MTUS2: variants seen among roughly 807,000 people sequenced by gnomAD.
MTUS2 encodes microtubule associated scaffold protein 2, also known as microtubule-associated tumor suppressor candidate 2.
In MTUS2, 40 loss-of-function variants were observed where a neutral mutation model predicts 114.1. The ratio of observed to expected loss-of-function variants is 0.35; its 90% CI spans 0.27 to 0.46. The LOEUF (loss-of-function observed/expected upper bound fraction) is 0.46, where lower values mean the gene tolerates loss of function less well. Ranked by LOEUF, MTUS2 falls within the 20% of genes least tolerant of loss-of-function variation. The pLI, the probability that MTUS2 is intolerant of heterozygous loss-of-function variation, is 1.00. For missense variants in MTUS2, 1,679 were observed against 1,705.4 expected, an observed-to-expected ratio of 0.98 and a Z score of 0.27; for synonymous variants, 688 against 672.0, an observed-to-expected ratio of 1.02 and a Z score of -0.37.
intron 5 of MTUS2, among the ~76,000 whole-genome samples, chr13:29,246,325 C>T (rs1209194567): frequency 2.0e-5 from 3 of 152,174 alleles, no homozygotes; most frequent in South Asian, 2.1e-4. Context: ...ACATCCGAGG[C>T]AGACCTAGAC....
At chr13:29,113,490 A>G (rs1477975773) in intron 5 of MTUS2, among the ~76,000 whole-genome samples, 2 of 152,150 alleles carry the variant, frequency 1.3e-5, no homozygotes, top group African/African-American at 4.8e-5. Context: ...TGCAGTGTTC[A>G]TCTTTGCTCT....
intron 5 of MTUS2, among the ~76,000 whole-genome samples, chr13:29,153,177 A>T (rs894708381): frequency 2.6e-5 from 4 of 152,110 alleles, no homozygotes; most frequent in African/African-American, 9.7e-5. Context: ...GTGGTTTCTG[A>T]TGGCTCTTGA....
At chr13:29,217,747 G>A (rs542842597) in intron 5 of MTUS2, among the ~76,000 whole-genome samples, 12 of 152,284 alleles carry the variant, frequency 7.9e-5, no homozygotes, top group African/African-American at 2.9e-4. Flanking sequence ...CTTTAATGGA[G>A]TCAGTCTTCT....
At chr13:29,204,106 C>T (rs137996970) in intron 5 of MTUS2, among the ~76,000 whole-genome samples, 384 of 152,156 alleles carry the variant, frequency 2.5e-3, no homozygotes, top group African/African-American at 8.8e-3. Context: ...ACTACAGGTG[C>T]CCGCCACCAC....
chr13:29,246,153 T>C (rs1309490384), intron 5 of MTUS2, among the ~76,000 whole-genome samples: 2 of 152,074 alleles, frequency 1.3e-5, no homozygotes, highest in African/African-American at 4.8e-5. Context: ...ATAGCAGAAG[T>C]GGCAAAAAAA....
chr13:28,848,158 G>A (rs1175671181), intron 2 of MTUS2, among the ~76,000 whole-genome samples: 2 of 152,186 alleles, frequency 1.3e-5, no homozygotes, highest in Non-Finnish European at 2.9e-5. Flanking sequence ...GCCAGATGCT[G>A]AGAACGTCAA....
chr13:28,869,240 A>G (rs1228938352), intron 2 of MTUS2, among the ~76,000 whole-genome samples: 2 of 152,210 alleles, frequency 1.3e-5, no homozygotes, highest in Non-Finnish European at 2.9e-5. Context: ...TCTTAAAGCT[A>G]AGTAATTAAA....
chr13:29,122,425 G>C (rs1332667660), intron 5 of MTUS2, among the ~76,000 whole-genome samples: 1 of 152,174 alleles, frequency 6.6e-6, no homozygotes, highest in Non-Finnish European at 1.5e-5. Context: ...CATGGAGGCA[G>C]CAAGAAGTGC....
At chr13:28,905,315 G>C (rs1879923632) in intron 2 of MTUS2, among the ~76,000 whole-genome samples, 1 of 151,528 alleles carries the variant, frequency 6.6e-6, no homozygotes, top group Non-Finnish European at 1.5e-5. Context: ...GTGACAGAGG[G>C]CATCCCTGTC....
chr13:29,259,207 C>T (rs906303883), intron 5 of MTUS2, among the ~76,000 whole-genome samples: 4 of 152,188 alleles, frequency 2.6e-5, no homozygotes, highest in African/African-American at 4.8e-5. Context: ...GTTCTGCCCC[C>T]GCACAGCTGG....
intron 7 of MTUS2, among the ~76,000 whole-genome samples, chr13:29,340,428 T>C (rs1440377495): frequency 6.6e-6 from 1 of 152,196 alleles, no homozygotes; most frequent in Non-Finnish European, 1.5e-5. Flanking sequence ...AACAAATCAT[T>C]TACTCATATC....
intron 4 of MTUS2, among the ~76,000 whole-genome samples, chr13:29,039,145 C>T (rs551242416): frequency 6.6e-6 from 1 of 152,330 alleles, no homozygotes; most frequent in Admixed American, 6.5e-5. Flanking sequence ...TGTAGCGGTC[C>T]TTGACCTTGG....
chr13:29,498,587 G>A, intron 14 of MTUS2, 50 bp downstream of exon 14: 1 of 1,609,962 alleles, frequency 6.2e-7, no homozygotes, highest in Non-Finnish European at 8.5e-7. Flanking sequence ...CATTCCTGCT[G>A]TCATCACTGA....
At chr13:29,481,449 C>A (rs769637881) in intron 10 of MTUS2, among the ~76,000 whole-genome samples, 1 of 152,138 alleles carries the variant, frequency 6.6e-6, no homozygotes, top group Non-Finnish European at 1.5e-5. Context: ...TTCGTCCCCA[C>A]CCTCTAATTG....
At chr13:28,989,797 A>AG (rs1884744575) in intron 2 of MTUS2, among the ~76,000 whole-genome samples, 1 of 151,798 alleles carries the variant, frequency 6.6e-6, no homozygotes, top group Non-Finnish European at 1.5e-5. Flanking sequence ...CATGTATGCC[A>AG]GGGTGTCTCA....
intron 7 of MTUS2, among the ~76,000 whole-genome samples, chr13:29,354,292 CACTT>C (rs1477637196): frequency 6.8e-6 from 1 of 147,704 alleles, no homozygotes; most frequent in Non-Finnish European, 1.5e-5. Context: ...AGTCTAATCC[CACTT>C]ACTTCATCTT....
chr13:29,068,387 C>CCAGAGAGT (rs1454832562), intron 4 of MTUS2, among the ~76,000 whole-genome samples: 22 of 151,722 alleles, frequency 1.5e-4, no homozygotes, highest in African/African-American at 5.3e-4. Flanking sequence ...CCGTCTACAC[C>CCAGAGAGT]CAGAGAGTCA....
intron 2 of MTUS2, among the ~76,000 whole-genome samples, chr13:28,966,341 A>T (rs1344913434): frequency 6.6e-6 from 1 of 152,174 alleles, no homozygotes; most frequent in Non-Finnish European, 1.5e-5. Flanking sequence ...TATTCAGTTT[A>T]TTTGCACATT....
rs1437398841 is a variant in MTUS2 at position 29,025,049 on chromosome 13, C to T, written c.351C>T (p.Gly117=). The T allele has an allele frequency of 6.2e-7, 1 of 1,613,954 alleles. No homozygotes were observed. The highest frequency in any genetic ancestry group is 8.5e-7 in the Non-Finnish European group (1 of 1,179,892). Residue 117 remains glycine (G), a synonymous_variant, in exon 3 of 16, where the codon GGC becomes GGT. Transcript: ENST00000612955. The stretch of plus-strand genomic sequence containing the variant: ...ATGAAGAGCACACAGTGGAGAGAGG[C>T]ACAGATAGCCTGCAGACCACGCGGA... ...ELNEEHTVER[G]TDSLQTTRSI... is the part of the protein sequence containing the mutation.
Sources: allele counts gnomAD v4.1 joint callset (sites outside exome capture counted in the v4.1 genomes callset), GRCh38; gene constraint gnomAD v4.1.1; transcripts MANE v1.5; gene names NCBI Gene and HGNC (gene_info 2026-07-23, HGNC 2026-07-21).